USH2A: variants seen among roughly 807,000 people sequenced by gnomAD.
The protein encoded by USH2A is Usher syndrome 2A (autosomal recessive, mild).
USH2A carries 443 observed loss-of-function variants against 538.9 expected under a neutral mutation model. The ratio of observed to expected loss-of-function variants is 0.82; its 90% confidence interval spans 0.76 to 0.89. The LOEUF is 0.89. USH2A is among the 40% of genes least tolerant of loss of function. The pLI is 0.00. For missense variants in USH2A, 6,633 were observed against 6,324.8 expected (o/e 1.05, Z -1.65); for synonymous variants, 2,413 against 2,273.5 (o/e 1.06, Z -1.75).
chr1:216,387,605 G>C (rs2039029043), intron 3 of USH2A, among the ~76,000 whole-genome samples: 1 of 152,100 alleles, frequency 6.6e-6, no homozygotes, highest in South Asian at 2.1e-4. Flanking sequence ...GGGCCAAACT[G>C]CTTTACAAAT....
chr1:216,223,678 T>C (rs988894138), intron 14 of USH2A, among the ~76,000 whole-genome samples: 1 of 152,168 alleles, frequency 6.6e-6, no homozygotes, highest in Non-Finnish European at 1.5e-5. Context: ...ATTTACCCTG[T>C]CACCCCAGAT....
intron 3 of USH2A, among the ~76,000 whole-genome samples, chr1:216,384,490 ACT>A (rs2038973207): frequency 6.6e-6 from 1 of 152,154 alleles, no homozygotes; most frequent in South Asian, 2.1e-4. Flanking sequence ...AGGAATAGGC[ACT>A]CTGATTCTCT....
chr1:215,811,554 C>T (rs1662683327), intron 49 of USH2A, among the ~76,000 whole-genome samples: 1 of 152,058 alleles, frequency 6.6e-6, no homozygotes, highest in Non-Finnish European at 1.5e-5. Flanking sequence ...ATAATTTTAT[C>T]CCCAACCAAT....
intron 21 of USH2A, among the ~76,000 whole-genome samples, chr1:216,158,012 T>C (rs1272790452): frequency 1.3e-5 from 2 of 152,216 alleles, no homozygotes; most frequent in African/African-American, 4.8e-5. Context: ...AGATTCTAGC[T>C]TCTTTTACTC....
chr1:215,956,661 TC>T (rs1346210393), intron 37 of USH2A, among the ~76,000 whole-genome samples: 1 of 152,150 alleles, frequency 6.6e-6, no homozygotes, highest in Non-Finnish European at 1.5e-5. Context: ...GGTTACAATT[TC>T]CATTTCATCA....
intron 60 of USH2A, among the ~76,000 whole-genome samples, chr1:215,737,807 T>A (rs1159726472): frequency 1.3e-5 from 2 of 152,060 alleles, no homozygotes; most frequent in Admixed American, 6.6e-5. Flanking sequence ...TTCAATCAGC[T>A]TAATTATCCA....
chr1:215,788,297 G>C (rs1661861187), intron 51 of USH2A, among the ~76,000 whole-genome samples: 1 of 152,056 alleles, frequency 6.6e-6, no homozygotes, highest in African/African-American at 2.4e-5. Flanking sequence ...GCTGCAGTAG[G>C]AGAAGCCACC....
intron 49 of USH2A, among the ~76,000 whole-genome samples, chr1:215,803,004 G>T (rs1413468094): frequency 6.6e-6 from 1 of 152,070 alleles, no homozygotes. Context: ...ACATAATCCA[G>T]CATATAAACA....
At position 216,323,671 on chromosome 1, in the gene USH2A, A is replaced by G. The variant is rs1169170024; in HGVS notation, c.1353T>C (p.Asn451=). The change falls in exon 8 of 72, where the codon AAT becomes AAC. Residue 451 remains asparagine, a synonymous_variant. Coordinates refer to ENST00000307340, the MANE Select transcript of USH2A (RefSeq NM_206933.4). ...LSNFTPYSRG[N]VTFSILTPGP... ...CAGGTGTCAGGATGCTAAATGTGACATTGCCACGGGAATATGGAGTAAAAC... is the reference window on the plus strand; with the variant it reads ...CAGGTGTCAGGATGCTAAATGTGACGTTGCCACGGGAATATGGAGTAAAAC... 2 of 1,613,428 alleles carry G rather than the reference A, an allele frequency of 1.2e-6. No homozygotes were observed. The highest frequency in any genetic ancestry group is 1.7e-6 in the Non-Finnish European group (2 of 1,179,674).
At chr1:216,328,952 T>A (rs1057374051) in intron 4 of USH2A, among the ~76,000 whole-genome samples, 2 of 152,154 alleles carry the variant, frequency 1.3e-5, no homozygotes, top group African/African-American at 4.8e-5. Flanking sequence ...GCTGATGTAG[T>A]CTAAGAAAAA....
chr1:216,372,322 A>G (rs1276550864), intron 3 of USH2A, among the ~76,000 whole-genome samples: 1 of 151,928 alleles, frequency 6.6e-6, no homozygotes, highest in African/African-American at 2.4e-5. Flanking sequence ...CCACACCTTC[A>G]CACACCCCAA....
At chr1:216,075,734 A>G (rs17647012) in intron 27 of USH2A, among the ~76,000 whole-genome samples, 2,722 of 152,268 alleles carry the variant, frequency 0.018, 42 homozygotes, top group South Asian at 0.029. Flanking sequence ...TCATTCTAAG[A>G]AGATAAACTC....
chr1:216,067,179 C>T (rs917906550), intron 30 of USH2A, among the ~76,000 whole-genome samples: 2 of 152,060 alleles, frequency 1.3e-5, no homozygotes, highest in African/African-American at 4.8e-5. Context: ...CCAAACACTG[C>T]GAGTTCTCAC....
At position 216,073,147 on chromosome 1, in the gene USH2A, T is replaced by A. The variant is rs761586978; in HGVS notation, c.5726A>T (p.Tyr1909Phe). The A allele has an allele frequency of 5.0e-6, 8 of 1,613,788 alleles. No individual in the cohort carries two copies. The Admixed American group carries it at 1.0e-4, about 20-fold the overall frequency. Reference protein sequence around the residue: ...NCRGNDSILVYQGKEQSVYEG... With the variant: ...NCRGNDSILVFQGKEQSVYEG... ...GTAAACACTCTGCTCTTTTCCCTGG[T>A]AAACCAGGATGGAGTCATTTCCCCT... The change falls in exon 28 of 72, where the codon TAC (tyrosine) becomes TTC (phenylalanine). Residue 1909 changes from tyrosine (Y) to phenylalanine (F), a missense_variant. Transcript: ENST00000307340.
At chr1:215,951,294 C>A (rs1010228829) in intron 37 of USH2A, among the ~76,000 whole-genome samples, 3 of 152,194 alleles carry the variant, frequency 2.0e-5, no homozygotes, top group African/African-American at 7.2e-5. Flanking sequence ...TTTATTTCTG[C>A]CTTCATTTCG....
intron 21 of USH2A, among the ~76,000 whole-genome samples, chr1:216,126,750 T>A (rs2033262291): frequency 6.6e-6 from 1 of 152,148 alleles, no homozygotes; most frequent in Non-Finnish European, 1.5e-5. Flanking sequence ...CCATGATTGT[T>A]TTACCAAATT....
intron 3 of USH2A, among the ~76,000 whole-genome samples, chr1:216,397,961 G>A (rs1195325731): frequency 6.6e-6 from 1 of 152,260 alleles, no homozygotes; most frequent in East Asian, 1.9e-4. Context: ...GGAGAACCCT[G>A]ACTAATACAG....
intron 4 of USH2A, among the ~76,000 whole-genome samples, chr1:216,364,589 G>A (rs1272206635): frequency 6.6e-6 from 1 of 152,092 alleles, no homozygotes; most frequent in Non-Finnish European, 1.5e-5. Flanking sequence ...CAGAGGTAAA[G>A]GGGAGAAGAT....
intron 64 of USH2A, among the ~76,000 whole-genome samples, chr1:215,651,665 A>G (rs538958935): frequency 2.3e-4 from 33 of 144,600 alleles, no homozygotes; most frequent in African/African-American, 8.0e-4. Flanking sequence ...TGCAGTATTG[A>G]AAAAAAAAAA....
Sources: gnomAD v4.1 joint callset for allele counts (sites outside exome capture counted in the v4.1 genomes callset) on GRCh38, gnomAD v4.1.1 for gene constraint, MANE v1.5 for transcripts, NCBI Gene and HGNC (gene_info 2026-07-23, HGNC 2026-07-21) for gene names.